Variants in PCDHGA7 observed in about 807,000 individuals in gnomAD.
The protein encoded by PCDHGA7 is protocadherin gamma-A7.
In PCDHGA7, 44 loss-of-function variants were observed where a neutral mutation model predicts 58.3. The ratio of observed to expected loss-of-function variants is 0.75; its 90% confidence interval spans 0.59 to 0.97. The LOEUF is 0.97. Among genes scored for constraint, PCDHGA7 ranks in the 50% least tolerant of loss-of-function variants. The pLI is 0.00. For missense variants in PCDHGA7, 1,266 were observed against 1,188.7 expected (o/e 1.06, Z -0.96); for synonymous variants, 516 against 504.2 (o/e 1.02, Z -0.31).
chr5:141,427,817 G>A, intron 1 of PCDHGA7: 2 of 1,528,134 alleles, frequency 1.3e-6, no homozygotes, highest in Non-Finnish European at 1.8e-6. Flanking sequence ...AGAGCGGGGT[G>A]GTGGTCGCGC....
intron 1 of PCDHGA7, chr5:141,414,091 A>C (rs774168035): frequency 7.5e-6 from 12 of 1,594,412 alleles, no homozygotes; most frequent in African/African-American, 1.3e-5. Flanking sequence ...TGGAGAAATA[A>C]AAATATCAGA....
chr5:141,384,214 T>C lies in PCDHGA7; in HGVS notation c.1315T>C (p.Phe439Leu), dbSNP rs1305082096. ...TCCCTTGTCCAGGGAAACTCACATA[T>C]TCATGCAGGTGGCAGACACCAACGA... Reference protein sequence around the residue: ...TPPLSRETHIFMQVADTNDNP... With the variant: ...TPPLSRETHILMQVADTNDNP... The change falls in exon 1 of 4, where the codon TTC (phenylalanine) becomes CTC (leucine). Residue 439 changes from phenylalanine (F) to leucine (L), a missense_variant. Coordinates refer to ENST00000518325, the MANE Select transcript of PCDHGA7 (RefSeq NM_018920.4). 6.2e-6 allele frequency: 10 copies of C among 1,613,756 alleles called. No homozygotes were observed. Among genetic ancestry groups the C allele is most frequent in the South Asian group, 1.1e-5 (1 of 91,082 alleles).
At chr5:141,418,310 G>A in intron 1 of PCDHGA7, 1 of 1,613,990 alleles carries the variant, frequency 6.2e-7, no homozygotes, top group Non-Finnish European at 8.5e-7. Context: ...CCTGGGGATG[G>A]GAACAATTCT....
chr5:141,511,419 G>A lies in PCDHGA7; in HGVS notation c.*246G>A, dbSNP rs1437533706. On this transcript the variant is annotated 3_prime_UTR_variant, in exon 4 of 4. Coordinates refer to ENST00000518325, the MANE Select transcript of PCDHGA7 (RefSeq NM_018920.4). Reference sequence around the variant, plus strand: ...ATCCAATCAACTGCTGTACCCATGGGGGTAGTGGGGTTACTGTAGACACCA... The same window carrying A: ...ATCCAATCAACTGCTGTACCCATGGAGGTAGTGGGGTTACTGTAGACACCA... 1.2e-6 allele frequency: 1 copy of A among 830,454 alleles called. No individual in the cohort carries two copies. The highest frequency in any genetic ancestry group is 1.7e-5 in the African/African-American group (1 of 58,076). 51.4% of individuals were successfully genotyped at this position (830,454 alleles called of 1,614,324 possible).
chr5:141,423,674 C>G (rs57195665), intron 1 of PCDHGA7: 15 of 1,514,742 alleles, frequency 9.9e-6, no homozygotes, highest in African/African-American at 2.9e-5. Flanking sequence ...AGATTTATTT[C>G]TCTGCCTCCT....
At chr5:141,401,721 C>T (rs2094186897) in intron 1 of PCDHGA7, among the ~76,000 whole-genome samples, 1 of 152,142 alleles carries the variant, frequency 6.6e-6, no homozygotes, top group Non-Finnish European at 1.5e-5. Flanking sequence ...AAGACAAAAA[C>T]TACTAGTCTT....
chr5:141,508,043 T>A (rs2099865910), intron 3 of PCDHGA7: 1 of 152,252 alleles, frequency 6.6e-6, no homozygotes, highest in Non-Finnish European at 1.5e-5. Context: ...CAGCCAGCTG[T>A]GTTCCAGCTA....
intron 2 of PCDHGA7, among the ~76,000 whole-genome samples, chr5:141,502,654 C>G (rs1424933188): frequency 6.6e-6 from 1 of 152,112 alleles, no homozygotes; most frequent in African/African-American, 2.4e-5. Context: ...TAGGCAGCAA[C>G]CCTTCATGCA....
intron 1 of PCDHGA7, chr5:141,426,599 A>G (rs1171205143): frequency 2.7e-6 from 1 of 377,348 alleles, no homozygotes; most frequent in Non-Finnish European, 5.4e-6. Flanking sequence ...TCATACCCTT[A>G]GAGATTGTAG....
At chr5:141,457,554 G>A (rs2098924282) in intron 1 of PCDHGA7, among the ~76,000 whole-genome samples, 1 of 152,166 alleles carries the variant, frequency 6.6e-6, no homozygotes, top group Admixed American at 6.5e-5. Flanking sequence ...TGTATGATAA[G>A]CTTTGGAGCA....
At chr5:141,510,450 T>G (rs1273211856) in intron 3 of PCDHGA7, among the ~76,000 whole-genome samples, 1 of 151,946 alleles carries the variant, frequency 6.6e-6, no homozygotes, top group Non-Finnish European at 1.5e-5. Flanking sequence ...CAGGAGCCCA[T>G]GGTCTAGTGT....
intron 1 of PCDHGA7, among the ~76,000 whole-genome samples, chr5:141,438,397 C>A (rs950830331): frequency 6.6e-6 from 1 of 151,624 alleles, no homozygotes. Context: ...TCATCATTAA[C>A]TCTCTGAAGT....
intron 3 of PCDHGA7, 46 bp downstream of exon 3, chr5:141,505,527 T>C: frequency 6.2e-7 from 1 of 1,612,388 alleles, no homozygotes; most frequent in Non-Finnish European, 8.5e-7. Context: ...GACCTGGGGT[T>C]CTGGGGTGCA....
Position 141,432,410 on chromosome 5 carries a change from T to C in PCDHGA7, c.2424+47087T>C. On this transcript the variant is annotated intron_variant, in intron 1 of 3. Transcript: ENST00000518325. This position sits in a 1 kb window ranked among gnomAD's most constrained non-coding sequence, Gnocchi z 6.0. The stretch of plus-strand genomic sequence containing the variant: ...CAGCAGCAACGTGTCGTTGAGCCTG[T>C]TCGTGCTGGACCAGAACGACAATGC... 6.2e-7 allele frequency: 1 copy of C among 1,614,228 alleles called. No homozygotes were observed. Among genetic ancestry groups the C allele is most frequent in the East Asian group, 2.2e-5 (1 of 44,884 alleles).
intron 3 of PCDHGA7, among the ~76,000 whole-genome samples, chr5:141,509,429 T>G (rs2099876771): frequency 6.6e-6 from 1 of 151,964 alleles, no homozygotes; most frequent in Non-Finnish European, 1.5e-5. Context: ...TGAGTCAAAC[T>G]CTTGTTTCCT....
At chr5:141,447,209 G>A (rs1004956165) in intron 1 of PCDHGA7, among the ~76,000 whole-genome samples, 3 of 151,850 alleles carry the variant, frequency 2.0e-5, no homozygotes, top group East Asian at 3.9e-4. Context: ...GCTTGATCTC[G>A]GCTCACTGCA....
rs765535731 is a variant in PCDHGA7, at chr5:141,427,976, G to T, written c.2424+42653G>T. On this transcript the variant is annotated intron_variant, in intron 1 of 3. Transcript: ENST00000518325. ...ATGTGCCGCGGGTGCTGTACCCCGC[G>T]CTGGGGCCCGATGGCTCCGCACTCT... 1.1e-5 allele frequency: 17 copies of T among 1,594,884 alleles called. No individual in the cohort carries two copies. The East Asian group carries it at 1.6e-4, about 15-fold the overall frequency.
intron 1 of PCDHGA7, chr5:141,419,468 C>T: frequency 6.2e-7 from 1 of 1,612,484 alleles, no homozygotes; most frequent in Non-Finnish European, 8.5e-7. Flanking sequence ...GGCCCGCGAC[C>T]AGGGCTCGCC....
chr5:141,425,890 G>A (rs943076854), intron 1 of PCDHGA7, among the ~76,000 whole-genome samples: 1 of 152,118 alleles, frequency 6.6e-6, no homozygotes, highest in Non-Finnish European at 1.5e-5. Flanking sequence ...AATCTTCTTT[G>A]GTAGTAAACA....
Sources: allele counts gnomAD v4.1 joint callset (sites outside exome capture counted in the v4.1 genomes callset), GRCh38; gene constraint gnomAD v4.1.1; non-coding constraint Gnocchi (gnomAD v3.1); transcripts MANE v1.5; gene names NCBI Gene and HGNC (gene_info 2026-07-23, HGNC 2026-07-21).